The following P4HA1 variants were observed in gnomAD, a reference collection of about 807,000 sequenced individuals.
The protein encoded by P4HA1 is prolyl 4-hydroxylase subunit alpha 1.
In P4HA1, 24 loss-of-function variants were observed where a neutral mutation model predicts 72.8. The ratio of observed to expected loss-of-function variants is 0.33; its 90% CI spans 0.24 to 0.46. The LOEUF is 0.46. P4HA1 is among the 20% of genes least tolerant of loss of function. The pLI is 1.00. For missense variants in P4HA1, 446 were observed against 640.6 expected (o/e 0.70, Z 3.28); for synonymous variants, 201 against 218.8 (o/e 0.92, Z 0.72).
intron 4 of P4HA1, chr10:73,071,431 G>T (rs1415746360): frequency 6.6e-6 from 1 of 151,584 alleles, no homozygotes; most frequent in African/African-American, 2.4e-5. Context: ...TCTTTTCTTG[G>T]CGGGGCAGGG....
intron 10 of P4HA1, among the ~76,000 whole-genome samples, chr10:73,019,730 G>GAAAAAAAAAAAAAAAAAA (rs3066045): frequency 3.1e-5 from 2 of 65,222 alleles, no homozygotes; most frequent in African/African-American, 1.7e-4. Flanking sequence ...CTCTGTCTCA[G>GAAAAAAAAAAAAAAAAAA]AAAAAAAAAA....
chr10:73,030,505 G>T, intron 9 of P4HA1, 135 bp from the exon 10 acceptor site: 3 of 419,018 alleles, frequency 7.2e-6, no homozygotes, highest in Non-Finnish European at 8.4e-6. Context: ...TCATTTTCTT[G>T]CTTAGTATCA....
chr10:73,081,397 A>AT (rs1246540354), intron 1 of P4HA1, among the ~76,000 whole-genome samples: 4 of 152,180 alleles, frequency 2.6e-5, no homozygotes, highest in Non-Finnish European at 5.9e-5. Flanking sequence ...TTATTATATA[A>AT]TTTTTGTAAC....
chr10:73,059,113 T>C (rs114463770), intron 5 of P4HA1, among the ~76,000 whole-genome samples: 5,562 of 151,752 alleles, frequency 0.037, 338 homozygotes, highest in African/African-American at 0.12. Flanking sequence ...TGAGAGAATA[T>C]AGGAGTAGAT....
chr10:73,034,035 C>T (rs1249867718), intron 9 of P4HA1, among the ~76,000 whole-genome samples: 1 of 152,028 alleles, frequency 6.6e-6, no homozygotes, highest in Non-Finnish European at 1.5e-5. Context: ...CCTAGCAAGA[C>T]CCTGTCTCCA....
rs541610659 is a variant in P4HA1 at position 73,088,342 on chromosome 10, A to G, written c.-33+8424T>C. The stretch of plus-strand genomic sequence containing the variant: ...TCCCACATCTGGGTAAGTCTGTAAG[A>G]AAGCCCAGGTACTCCCTCCCTTGGT... On this transcript the variant is annotated intron_variant, in intron 1 of 14. Coordinates refer to ENST00000394890, the MANE Select transcript of P4HA1 (RefSeq NM_001017962.3). Among the ~76,000 whole-genome samples, 11 of 152,302 alleles carry G rather than the reference A, an allele frequency of 7.2e-5. No homozygotes were observed. In the South Asian group the frequency reaches 2.1e-3, roughly 29 times the overall value.
At chr10:73,044,823 AAC>A (rs1840815595) in intron 9 of P4HA1, among the ~76,000 whole-genome samples, 156 bp downstream of exon 9, 1 of 152,214 alleles carries the variant, frequency 6.6e-6, no homozygotes, top group African/African-American at 2.4e-5. Context: ...AGACCTGTGA[AAC>A]ACAAAGCAGT....
intron 5 of P4HA1, among the ~76,000 whole-genome samples, chr10:73,067,879 AT>A (rs1841464826): frequency 6.6e-6 from 1 of 152,176 alleles, no homozygotes; most frequent in Non-Finnish European, 1.5e-5. Flanking sequence ...AAATACCCTA[AT>A]GGCGAGGGTA....
At chr10:73,069,811 G>GTT (rs765143260) in intron 4 of P4HA1, among the ~76,000 whole-genome samples, 10 of 142,440 alleles carry the variant, frequency 7.0e-5, no homozygotes, top group Non-Finnish European at 1.1e-4. Context: ...CAACTGTTTT[G>GTT]TTTTTTTTTT....
intron 1 of P4HA1, among the ~76,000 whole-genome samples, chr10:73,081,873 G>A (rs1027024201): frequency 2.0e-5 from 3 of 152,134 alleles, no homozygotes; most frequent in Non-Finnish European, 4.4e-5. Context: ...TCTCTACTAT[G>A]GGCGTGGTAG....
chr10:73,090,487 ATTTTT>A (rs1004337684), intron 1 of P4HA1, among the ~76,000 whole-genome samples: 1 of 152,098 alleles, frequency 6.6e-6, no homozygotes, highest in Non-Finnish European at 1.5e-5. Flanking sequence ...TTGTACTGAT[ATTTTT>A]TTAAGTAGAT....
At chr10:73,084,137 A>G (rs529447970) in intron 1 of P4HA1, among the ~76,000 whole-genome samples, 94 of 152,358 alleles carry the variant, frequency 6.2e-4, no homozygotes, top group Non-Finnish European at 7.3e-5. Context: ...AGAAGTTCTG[A>G]TAAGACAGCT....
intron 10 of P4HA1, among the ~76,000 whole-genome samples, chr10:73,017,588 A>G (rs1003201591): frequency 6.9e-6 from 1 of 144,138 alleles, no homozygotes; most frequent in African/African-American, 2.8e-5. Flanking sequence ...CCAAAGCCCC[A>G]AATGCTGAAC....
intron 8 of P4HA1, among the ~76,000 whole-genome samples, chr10:73,045,794 G>T (rs1210670673): frequency 6.8e-6 from 1 of 148,076 alleles, no homozygotes; most frequent in South Asian, 2.2e-4. Context: ...AAGTTGAAAT[G>T]AATTAATTAC....
chr10:73,078,878 C>G (rs1175184259), intron 1 of P4HA1, among the ~76,000 whole-genome samples: 2 of 152,170 alleles, frequency 1.3e-5, no homozygotes, highest in Non-Finnish European at 1.5e-5. Context: ...TCCTAAAGTG[C>G]TGGGATTACA....
At chr10:73,041,016 A>C (rs553019587) in intron 9 of P4HA1, among the ~76,000 whole-genome samples, 2 of 152,344 alleles carry the variant, frequency 1.3e-5, no homozygotes, top group East Asian at 3.9e-4. Context: ...TGTAAATCAT[A>C]TCTCAAAACA....
At chr10:73,033,068 T>C (rs771618249) in intron 9 of P4HA1, among the ~76,000 whole-genome samples, 2 of 152,220 alleles carry the variant, frequency 1.3e-5, no homozygotes, top group Non-Finnish European at 2.9e-5. Context: ...TTTTTTCTTC[T>C]AATTCTGCCC....
intron 5 of P4HA1, among the ~76,000 whole-genome samples, chr10:73,056,841 A>T (rs548910481): frequency 3.7e-4 from 56 of 151,968 alleles, no homozygotes; most frequent in African/African-American, 1.1e-3. Flanking sequence ...CAGGCGGATC[A>T]TGAGGTCAGG....
At position 73,009,795 on chromosome 10, in the gene P4HA1, T is replaced by C; in HGVS notation, c.1534+12A>G. The C allele has an allele frequency of 1.4e-6, 2 of 1,434,030 alleles. No individual in the cohort carries two copies. Among genetic ancestry groups the C allele is most frequent in the Non-Finnish European group, 2.0e-6 (2 of 1,016,508 alleles). The allele number at this position is 1,434,030 out of a possible 1,614,324, so 88.8% of individuals were successfully genotyped here. On this transcript the variant is annotated intron_variant, in intron 14 of 14. Coordinates refer to ENST00000394890, the MANE Select transcript of P4HA1 (RefSeq NM_001017962.3). Reference sequence around the variant, plus strand: ...AATTACATTATCTTCGCAGAATATATGAAATATTTACCCCATTTGTTGCCA... The same window carrying C: ...AATTACATTATCTTCGCAGAATATACGAAATATTTACCCCATTTGTTGCCA...
Sources: gnomAD v4.1 joint callset for allele counts (sites outside exome capture counted in the v4.1 genomes callset) on GRCh38, gnomAD v4.1.1 for gene constraint, MANE v1.5 for transcripts, NCBI Gene and HGNC (gene_info 2026-07-23, HGNC 2026-07-21) for gene names.